GARIN3: variants seen among roughly 807,000 people sequenced by gnomAD.
GARIN3 encodes golgi associated RAB2 interactor family member 3.
chr5:157,165,875 C>A, the GARIN3 span: 2 of 1,614,154 alleles, frequency 1.2e-6, no homozygotes, highest in Non-Finnish European at 1.7e-6. Context: ...ATCTGACATG[C>A]TGTTCACAGA....
chr5:157,165,876 T>C, the GARIN3 span: 1 of 1,614,162 alleles, frequency 6.2e-7, no homozygotes, highest in Non-Finnish European at 8.5e-7. Flanking sequence ...TCTGACATGC[T>C]GTTCACAGAT....
chr5:157,162,415 G>C, the GARIN3 span: 1 of 1,595,192 alleles, frequency 6.3e-7, no homozygotes, highest in South Asian at 1.1e-5. Flanking sequence ...GATACTTCCA[G>C]ATCCCTGGGC....
chr5:157,163,543 G>A, the GARIN3 span: 37 of 1,614,058 alleles, frequency 2.3e-5, no homozygotes, highest in Non-Finnish European at 2.8e-5. Flanking sequence ...CGTTCCGTGG[G>A]AGGCATGTTG....
chr5:157,162,553 T>C, the GARIN3 span: 1 of 1,614,198 alleles, frequency 6.2e-7, no homozygotes, highest in Non-Finnish European at 8.5e-7. Context: ...CACTTTGGCC[T>C]CTATGTTTTG....
the GARIN3 span, chr5:157,162,673 G>C: frequency 6.2e-7 from 1 of 1,614,156 alleles, no homozygotes; most frequent in Non-Finnish European, 8.5e-7. Context: ...GATCTTACTG[G>C]CTTTCTTTTG....
chr5:157,165,658 G>A, the GARIN3 span: 5 of 1,614,170 alleles, frequency 3.1e-6, no homozygotes, highest in Non-Finnish European at 4.2e-6. Flanking sequence ...AGATAGACAA[G>A]TTTTTCCCAA....
the GARIN3 span, chr5:157,166,147 G>A: frequency 6.2e-7 from 1 of 1,611,722 alleles, no homozygotes; most frequent in Non-Finnish European, 8.5e-7. Flanking sequence ...GTGTAATAAG[G>A]TAAACAAGAT....
the GARIN3 span, chr5:157,163,625 C>T: frequency 6.2e-7 from 1 of 1,614,070 alleles, no homozygotes; most frequent in Non-Finnish European, 8.5e-7. Context: ...AGCCCAGTCT[C>T]ACTCTGATCC....
the GARIN3 span, chr5:157,165,894 G>C: frequency 1.2e-4 from 201 of 1,614,034 alleles, no homozygotes; most frequent in Middle Eastern, 1.6e-4. Context: ...GATTTTAGTT[G>C]GTTGGGCCAG....
chr5:157,165,247 A>G, the GARIN3 span, among the ~76,000 whole-genome samples: 1 of 152,186 alleles, frequency 6.6e-6, no homozygotes, highest in Admixed American at 6.5e-5. Flanking sequence ...AACAAATCAG[A>G]CCACCTGGGT....
the GARIN3 span, among the ~76,000 whole-genome samples, chr5:157,163,893 T>TA: frequency 6.6e-6 from 1 of 152,020 alleles, no homozygotes; most frequent in African/African-American, 2.4e-5. Flanking sequence ...CCGACTCTAC[T>TA]AAAAATACAA....
At chr5:157,163,343 G>C in the GARIN3 span, 1 of 1,614,056 alleles carries the variant, frequency 6.2e-7, no homozygotes, top group African/African-American at 1.3e-5. Context: ...GTGGTCACTT[G>C]ACCTGGGCCT....
the GARIN3 span, chr5:157,163,792 A>C: frequency 2.5e-6 from 3 of 1,203,056 alleles, no homozygotes; most frequent in South Asian, 1.6e-5. Flanking sequence ...GTGGTGGCTC[A>C]CGCCTGTAAT....
chr5:157,162,697 C>G, the GARIN3 span: 1 of 1,614,228 alleles, frequency 6.2e-7, no homozygotes, highest in Non-Finnish European at 8.5e-7. Context: ...AGCTCCTGTG[C>G]TAGATGCAGA....
At chr5:157,164,453 A>G in the GARIN3 span, among the ~76,000 whole-genome samples, 1 of 152,194 alleles carries the variant, frequency 6.6e-6, no homozygotes, top group African/African-American at 2.4e-5. Context: ...CACCCGGCCT[A>G]AGCCTAAGTC....
chr5:157,166,100 G>A, the GARIN3 span: 5 of 1,614,064 alleles, frequency 3.1e-6, no homozygotes, highest in African/African-American at 4.0e-5. Flanking sequence ...CCCCCATGGA[G>A]GTTTTGAACG....
the GARIN3 span, chr5:157,165,747 C>A: frequency 6.2e-7 from 1 of 1,614,102 alleles, no homozygotes. Flanking sequence ...GAGTTTCAGG[C>A]GCAGCTGCTG....
chr5:157,165,999 T>C, the GARIN3 span: 1,170 of 1,614,184 alleles, frequency 7.2e-4, 5 homozygotes, highest in Middle Eastern at 2.3e-3. Flanking sequence ...CACCTCTCCC[T>C]TTTTGTTTAT....
the GARIN3 span, among the ~76,000 whole-genome samples, chr5:157,163,893 T>G: frequency 2.3e-4 from 35 of 152,138 alleles, no homozygotes; most frequent in South Asian, 6.8e-3. Flanking sequence ...CCGACTCTAC[T>G]AAAAATACAA....
Sources: allele counts gnomAD v4.1 joint callset (sites outside exome capture counted in the v4.1 genomes callset), GRCh38; gene constraint gnomAD v4.1.1; transcripts MANE v1.5; gene names NCBI Gene and HGNC (gene_info 2026-07-23, HGNC 2026-07-21).